The following WARS1 variants were observed in gnomAD, a reference collection of about 807,000 sequenced individuals.
WARS1 encodes the protein tryptophanyl-tRNA synthetase 1, also known as tryptophan--tRNA ligase, cytoplasmic.
In WARS1, 17 loss-of-function variants were observed where a neutral mutation model predicts 47.8. The observed-to-expected ratio is 0.36, with a 90% CI of 0.24 to 0.53. WARS1 has a LOEUF of 0.53. WARS1 is among the 20% of genes least tolerant of loss of function. The pLI, the probability that WARS1 is intolerant of heterozygous loss-of-function variation, is 0.91. For missense variants in WARS1, 434 were observed against 608.0 expected (o/e 0.71, Z 3.01); for synonymous variants, 208 against 228.1 (o/e 0.91, Z 0.79).
At chr14:100,346,954 CG>C in intron 6 of WARS1, 108 bp from the exon 7 acceptor site, 1 of 953,740 alleles carries the variant, frequency 1.0e-6, no homozygotes, top group Non-Finnish European at 1.6e-6. Flanking sequence ...GGGCCAGACT[CG>C]GGGCCACATT....
At chr14:100,349,337 G>T (rs987417702) in intron 6 of WARS1, among the ~76,000 whole-genome samples, 2 of 152,136 alleles carry the variant, frequency 1.3e-5, no homozygotes, top group Admixed American at 6.5e-5. Flanking sequence ...TTAGAAGAGA[G>T]GCTTTACACA....
chr14:100,374,816 C>CT (rs1446987936), intron 1 of WARS1: 1 of 94,898 alleles, frequency 1.1e-5, no homozygotes, highest in African/African-American at 3.1e-5. Context: ...AAAATGACTT[C>CT]TTTAGAGCAA....
chr14:100,352,393 C>T (rs1895054142), intron 6 of WARS1, among the ~76,000 whole-genome samples: 1 of 152,186 alleles, frequency 6.6e-6, no homozygotes, highest in Non-Finnish European at 1.5e-5. Flanking sequence ...GCTGGGATTA[C>T]AGGCATGAGC....
At chr14:100,354,332 A>G (rs1233591989) in intron 5 of WARS1, 115 bp downstream of exon 5, 1 of 1,464,122 alleles carries the variant, frequency 6.8e-7, no homozygotes, top group African/African-American at 1.4e-5. Flanking sequence ...AACTCTTGAC[A>G]TCTTGGTTGC....
rs762767153 is a variant in WARS1 at position 100,334,798 on chromosome 14, C to T, written c.*77G>A. The T allele has an allele frequency of 8.6e-5, 132 of 1,543,024 alleles. No individual in the cohort carries two copies. The highest frequency in any genetic ancestry group is 1.1e-4 in the East Asian group (5 of 44,232). ...CCATGAGACAGAAGCCTACAGGTGG[C>T]GGTGCTTTGACTGGGCTGGGATTAT... is the stretch of plus-strand genomic sequence containing the variant. On this transcript the variant is annotated 3_prime_UTR_variant, in exon 11 of 11. Coordinates refer to ENST00000392882, the MANE Select transcript of WARS1 (RefSeq NM_004184.4).
intron 6 of WARS1, among the ~76,000 whole-genome samples, chr14:100,352,552 G>A (rs1595434569): frequency 6.6e-6 from 1 of 152,206 alleles, no homozygotes; most frequent in South Asian, 2.1e-4. Context: ...CCCTGATGGT[G>A]AGCTAACATG....
At chr14:100,359,814 T>G (rs1408322211) in intron 4 of WARS1, among the ~76,000 whole-genome samples, 2 of 152,212 alleles carry the variant, frequency 1.3e-5, no homozygotes, top group African/African-American at 4.8e-5. Context: ...AATTTTTTAT[T>G]ATATTCCACC....
At chr14:100,354,052 G>A (rs1359024844) in intron 5 of WARS1, 183 bp from the exon 6 acceptor site, 14 of 611,330 alleles carry the variant, frequency 2.3e-5, no homozygotes, top group African/African-American at 3.7e-5. Context: ...ACCATTTATC[G>A]ACCAGGTGGC....
chr14:100,351,736 G>A (rs1408482352), intron 6 of WARS1, among the ~76,000 whole-genome samples: 1 of 152,120 alleles, frequency 6.6e-6, no homozygotes, highest in Non-Finnish European at 1.5e-5. Context: ...GCTCATGCCT[G>A]TAATCCCAGT....
At chr14:100,362,546 C>A (rs1250646680) in intron 2 of WARS1, among the ~76,000 whole-genome samples, 4 of 147,796 alleles carry the variant, frequency 2.7e-5, no homozygotes, top group Non-Finnish European at 4.5e-5. Flanking sequence ...AAAAAAAAAA[C>A]AAAGGTAAAA....
intron 7 of WARS1, among the ~76,000 whole-genome samples, chr14:100,343,982 T>C (rs1232320616): frequency 1.3e-5 from 2 of 152,212 alleles, no homozygotes; most frequent in Admixed American, 6.5e-5. Flanking sequence ...ACTAAGTATA[T>C]TCTATCCTGT....
intron 1 of WARS1, among the ~76,000 whole-genome samples, chr14:100,369,876 C>CTGG (rs755280217): frequency 2.0e-5 from 3 of 152,032 alleles, no homozygotes; most frequent in East Asian, 3.9e-4. Flanking sequence ...GTTGGCCAGG[C>CTGG]TGGTCTTGAA....
intron 9 of WARS1, chr14:100,342,088 C>T: frequency 2.7e-6 from 1 of 368,306 alleles, no homozygotes; most frequent in East Asian, 6.3e-5. Context: ...CTAATTATAA[C>T]TTTAAGGAAA....
chr14:100,358,679 G>A (rs1383586236), intron 4 of WARS1, among the ~76,000 whole-genome samples: 1 of 152,106 alleles, frequency 6.6e-6, no homozygotes, highest in Non-Finnish European at 1.5e-5. Context: ...AAATAAACTG[G>A]ACTTCATCAA....
chr14:100,341,877 G>T (rs1305741822), intron 9 of WARS1, among the ~76,000 whole-genome samples: 1 of 152,192 alleles, frequency 6.6e-6, no homozygotes, highest in Non-Finnish European at 1.5e-5. Flanking sequence ...CAGTGCTGCT[G>T]ATTCCTGGTG....
chr14:100,367,838 A>G (rs891038538), intron 2 of WARS1, among the ~76,000 whole-genome samples: 3 of 152,162 alleles, frequency 2.0e-5, no homozygotes, highest in Non-Finnish European at 4.4e-5. Context: ...CTGGCTATCA[A>G]TCATGTTTTA....
chr14:100,349,751 G>T (rs1361472890), intron 6 of WARS1, among the ~76,000 whole-genome samples: 1 of 152,234 alleles, frequency 6.6e-6, no homozygotes, highest in African/African-American at 2.4e-5. Context: ...CTGGGGCCAT[G>T]TGCAATGTGC....
intron 4 of WARS1, among the ~76,000 whole-genome samples, chr14:100,358,612 T>C (rs895812149): frequency 1.3e-5 from 2 of 152,194 alleles, no homozygotes; most frequent in Non-Finnish European, 2.9e-5. Flanking sequence ...CTTCACAACC[T>C]TCGATTAGTC....
chr14:100,349,309 G>T (rs1020604686), intron 6 of WARS1, among the ~76,000 whole-genome samples: 1 of 152,140 alleles, frequency 6.6e-6, no homozygotes, highest in Non-Finnish European at 1.5e-5. Context: ...TTGATCACCT[G>T]TTAGCTGATT....
Sources: allele counts gnomAD v4.1 joint callset (sites outside exome capture counted in the v4.1 genomes callset), GRCh38; gene constraint gnomAD v4.1.1; transcripts MANE v1.5; gene names NCBI Gene and HGNC (gene_info 2026-07-23, HGNC 2026-07-21).